The following GRID2 variants were observed in gnomAD, a reference collection of about 807,000 sequenced individuals.
GRID2 encodes the protein glutamate receptor ionotropic, delta-2.
Under a neutral mutation model 114.8 loss-of-function variants are expected in GRID2, and 33 were observed. That is an observed-to-expected ratio of 0.29 (90% confidence interval 0.22 to 0.38). The LOEUF (loss-of-function observed/expected upper bound fraction) is 0.38, where lower values mean the gene tolerates loss of function less well. GRID2 is among the 10% of genes least tolerant of loss of function. The probability of loss-of-function intolerance (pLI) is 1.00; values close to 1 mark genes in which losing one functional copy is unlikely to be tolerated. For synonymous variants in GRID2, 505 were observed against 449.9 expected (o/e 1.12, Z -1.55); for missense variants, 1,184 against 1,257.7 (o/e 0.94, Z 0.89).
chr4:93,050,993 T>C (rs1726655892), intron 2 of GRID2, among the ~76,000 whole-genome samples: 1 of 152,036 alleles, frequency 6.6e-6, no homozygotes. Context: ...ATAAAGGTCA[T>C]ACCACTGAGG....
At chr4:93,042,623 C>CTATA (rs199506174) in intron 2 of GRID2, among the ~76,000 whole-genome samples, 24 of 132,546 alleles carry the variant, frequency 1.8e-4, no homozygotes, top group East Asian at 8.7e-4. Flanking sequence ...CTCTCTCTCT[C>CTATA]TCTATATATA....
chr4:93,094,978 T>C (rs985087528), intron 3 of GRID2, among the ~76,000 whole-genome samples: 11 of 151,400 alleles, frequency 7.3e-5, no homozygotes, highest in Admixed American at 5.9e-4. Context: ...CTTTAGAATA[T>C]AACAAAATAA....
intron 8 of GRID2, among the ~76,000 whole-genome samples, chr4:93,328,780 G>A (rs776123063): frequency 2.0e-4 from 31 of 151,928 alleles, no homozygotes; most frequent in Middle Eastern, 3.2e-3. Context: ...AGCTGCTCAG[G>A]ATCAGTAGGT....
chr4:93,726,236 T>C (rs1056731619), intron 14 of GRID2, among the ~76,000 whole-genome samples: 2 of 152,250 alleles, frequency 1.3e-5, no homozygotes, highest in African/African-American at 4.8e-5. Context: ...ATTTATTAAA[T>C]AGGGCATCCT....
chr4:93,348,378 T>C (rs1760453446), intron 8 of GRID2, among the ~76,000 whole-genome samples: 1 of 152,198 alleles, frequency 6.6e-6, no homozygotes, highest in South Asian at 2.1e-4. Context: ...AACATCAGTT[T>C]ATAAAGATGA....
chr4:92,455,565 A>G (rs1438739327), intron 1 of GRID2, among the ~76,000 whole-genome samples: 2 of 152,172 alleles, frequency 1.3e-5, no homozygotes, highest in African/African-American at 4.8e-5. Context: ...GAAACCGCAC[A>G]GGAAGAGCGT....
intron 4 of GRID2, among the ~76,000 whole-genome samples, chr4:93,190,339 G>T (rs1444720231): frequency 6.6e-6 from 1 of 152,014 alleles, no homozygotes; most frequent in African/African-American, 2.4e-5. Flanking sequence ...CATAGCCATT[G>T]ACTTAATAAA....
At chr4:93,464,284 T>G (rs746322992) in intron 11 of GRID2, among the ~76,000 whole-genome samples, 10 of 152,136 alleles carry the variant, frequency 6.6e-5, no homozygotes, top group African/African-American at 9.7e-5. Flanking sequence ...CTGAATCCAT[T>G]TCCCCCTTTG....
At chr4:93,437,265 CAG>C (rs1180283003) in intron 10 of GRID2, among the ~76,000 whole-genome samples, 1 of 152,074 alleles carries the variant, frequency 6.6e-6, no homozygotes, top group African/African-American at 2.4e-5. Context: ...GATGATGAAA[CAG>C]AGAGAGGTGA....
intron 9 of GRID2, among the ~76,000 whole-genome samples, chr4:93,419,074 CTTTTTTTT>C (rs58832079): frequency 9.1e-5 from 10 of 109,528 alleles, no homozygotes; most frequent in East Asian, 2.3e-4. Context: ...CATGATTTTC[CTTTTTTTT>C]TTTTTTTTTT....
intron 2 of GRID2, among the ~76,000 whole-genome samples, chr4:92,733,080 A>T (rs1736407203): frequency 6.6e-6 from 1 of 150,752 alleles, no homozygotes; most frequent in Non-Finnish European, 1.5e-5. Flanking sequence ...CTCCCTCTTC[A>T]TGTCTTCCTC....
intron 10 of GRID2, among the ~76,000 whole-genome samples, chr4:93,448,841 C>T (rs1237387545): frequency 5.2e-5 from 1 of 19,224 alleles, no homozygotes; most frequent in Non-Finnish European, 9.3e-5. Context: ...CTTCCCTTCC[C>T]TTCCCTTCCC....
chr4:93,025,145 A>C (rs575388373), intron 2 of GRID2, among the ~76,000 whole-genome samples: 1 of 151,416 alleles, frequency 6.6e-6, no homozygotes, highest in South Asian at 2.1e-4. Flanking sequence ...AGAGGTAAAG[A>C]GAGGGAGAGA....
chr4:93,008,023 A>G (rs192064169), intron 2 of GRID2, among the ~76,000 whole-genome samples: 49 of 144,186 alleles, frequency 3.4e-4, no homozygotes, highest in Non-Finnish European at 6.0e-5. Context: ...CAACAGGGTG[A>G]GACTGTCACA....
intron 2 of GRID2, among the ~76,000 whole-genome samples, chr4:92,740,417 AG>A (rs1736815827): frequency 6.6e-6 from 1 of 152,200 alleles, no homozygotes; most frequent in Non-Finnish European, 1.5e-5. Flanking sequence ...TTTCAATTCC[AG>A]GGCTGTCACA....
At chr4:93,579,327 A>G (rs888223034) in intron 13 of GRID2, among the ~76,000 whole-genome samples, 2 of 152,090 alleles carry the variant, frequency 1.3e-5, no homozygotes, top group African/African-American at 4.8e-5. Context: ...CAACTCTGGT[A>G]CCTTTTGTCG....
At chr4:93,803,244 C>T (rs1734966373) in intron 1 of GRID2, among the ~76,000 whole-genome samples, 1 of 152,146 alleles carries the variant, frequency 6.6e-6, no homozygotes. Context: ...AACTCTGATA[C>T]TGTGACATGT....
At chr4:93,019,280 A>T (rs1456643355) in intron 2 of GRID2, among the ~76,000 whole-genome samples, 2 of 152,022 alleles carry the variant, frequency 1.3e-5, no homozygotes, top group Non-Finnish European at 2.9e-5. Flanking sequence ...AAATACCACA[A>T]TTTTTTTTAT....
intron 2 of GRID2, among the ~76,000 whole-genome samples, chr4:92,614,587 C>A (rs541467059): frequency 6.6e-6 from 1 of 151,640 alleles, no homozygotes; most frequent in South Asian, 2.1e-4. Flanking sequence ...TGTATGATTT[C>A]AATCATTCTT....
Sources: gnomAD v4.1 joint callset for allele counts (sites outside exome capture counted in the v4.1 genomes callset) on GRCh38, gnomAD v4.1.1 for gene constraint, MANE v1.5 for transcripts, NCBI Gene and HGNC (gene_info 2026-07-23, HGNC 2026-07-21) for gene names.